PTPRN2: variants seen among roughly 807,000 people sequenced by gnomAD.
The protein encoded by PTPRN2 is protein tyrosine phosphatase receptor type N2.
In PTPRN2, 74 loss-of-function variants were observed where a neutral mutation model predicts 118.8. That is an observed-to-expected ratio of 0.62 (90% CI 0.52 to 0.76). The LOEUF is 0.76. Among genes scored for constraint, PTPRN2 ranks in the 30% least tolerant of loss-of-function variants. The probability of loss-of-function intolerance (pLI) is 0.00; values close to 1 mark genes in which losing one functional copy is unlikely to be tolerated. For synonymous variants in PTPRN2, 641 were observed against 608.0 expected (o/e 1.05, Z -0.80); for missense variants, 1,481 against 1,394.4 (o/e 1.06, Z -0.99).
In PTPRN2 at chr7:158,463,542, ATTG is replaced by A. The variant is rs769780067; in HGVS notation, c.163+26190_163+26192del. Among the ~76,000 whole-genome samples the A allele has an allele frequency of 4.5e-4, 69 of 152,002 alleles. 1 individual carries two copies. The highest frequency in any genetic ancestry group is 1.5e-3 in the African/African-American group (63 of 41,432). ...TCATTGTCATCACCATATCATCATCATTGTTATCACCATCCTCATTGTCATCAT... is the reference window on the plus strand; with the variant it reads ...TCATTGTCATCACCATATCATCATCATTATCACCATCCTCATTGTCATCAT... On this transcript the variant is annotated intron_variant, in intron 2 of 22. Coordinates refer to ENST00000389418, the MANE Select transcript of PTPRN2 (RefSeq NM_002847.5).
At chr7:157,915,680 A>T (rs1421752362) in intron 11 of PTPRN2, among the ~76,000 whole-genome samples, 1 of 152,074 alleles carries the variant, frequency 6.6e-6, no homozygotes, top group African/African-American at 2.4e-5. Flanking sequence ...ATGAATGCTG[A>T]AGTTCAGGTT....
chr7:158,372,197 C>T (rs1354771010), intron 2 of PTPRN2, among the ~76,000 whole-genome samples: 3 of 148,184 alleles, frequency 2.0e-5, no homozygotes, highest in Non-Finnish European at 4.5e-5. Flanking sequence ...GGACCCCCAA[C>T]GCTGGTCCCC....
At chr7:158,037,975 G>T (rs760497200) in intron 11 of PTPRN2, among the ~76,000 whole-genome samples, 1 of 152,182 alleles carries the variant, frequency 6.6e-6, no homozygotes, top group African/African-American at 2.4e-5. Flanking sequence ...GTCTGAATCC[G>T]CTAACCTCCC....
chr7:158,217,858 G>T (rs1294378141), intron 3 of PTPRN2, among the ~76,000 whole-genome samples: 1 of 152,162 alleles, frequency 6.6e-6, no homozygotes, highest in South Asian at 2.1e-4. Context: ...CTTAAAGGCA[G>T]TTCTTTCAAA....
chr7:157,923,819 A>G lies in PTPRN2; in HGVS notation c.1724-25082T>C, dbSNP rs113760713. Among the ~76,000 whole-genome samples, 548 of 152,278 alleles carry G rather than the reference A, an allele frequency of 3.6e-3. 1 individual carries two copies. Among genetic ancestry groups the G allele is most frequent in the African/African-American group, 0.012 (516 of 41,576 alleles). ...GTTAGTGTAGGATGTTAGCGGTCAC[A>G]CCCGAGATGGTTCTTTTGCTAAACT... On this transcript the variant is annotated intron_variant, in intron 11 of 22. Coordinates refer to ENST00000389418, the MANE Select transcript of PTPRN2 (RefSeq NM_002847.5).
chr7:157,917,856 G>A (rs777904987), intron 11 of PTPRN2, among the ~76,000 whole-genome samples: 1 of 152,134 alleles, frequency 6.6e-6, no homozygotes, highest in Non-Finnish European at 1.5e-5. Flanking sequence ...ATCAGAGTCA[G>A]CAGGCCGAGC....
chr7:157,781,855 A>G (rs555908659), intron 12 of PTPRN2, among the ~76,000 whole-genome samples: 6 of 152,200 alleles, frequency 3.9e-5, no homozygotes, highest in Non-Finnish European at 8.8e-5. Context: ...GGCAAACCAC[A>G]CCCCACTGAC....
At chr7:158,137,647 G>T (rs979048178) in intron 7 of PTPRN2, among the ~76,000 whole-genome samples, 4 of 152,098 alleles carry the variant, frequency 2.6e-5, no homozygotes, top group African/African-American at 9.7e-5. Context: ...CTGCCTGTCA[G>T]CCAAGTCAGG....
chr7:158,358,926 G>T (rs1178999329), intron 2 of PTPRN2, among the ~76,000 whole-genome samples: 1 of 152,196 alleles, frequency 6.6e-6, no homozygotes, highest in South Asian at 2.1e-4. Flanking sequence ...TGGTTAAAAT[G>T]GTCATTCTTA....
At chr7:158,280,993 G>C (rs929295632) in intron 3 of PTPRN2, among the ~76,000 whole-genome samples, 13 of 152,170 alleles carry the variant, frequency 8.5e-5, no homozygotes, top group African/African-American at 1.2e-4. Context: ...CCATGTGCTC[G>C]TCATCACAGC....
In PTPRN2 at chr7:157,621,137, A is replaced by T. The variant is rs372293712; in HGVS notation, c.2344+225T>A. 2.1e-3 allele frequency among the ~76,000 whole-genome samples: 83 copies of T among 39,346 alleles called. 2 individuals carry two copies. The highest frequency in any genetic ancestry group is 6.3e-3 in the South Asian group (9 of 1,434). 25.8% of individuals were successfully genotyped at this position (39,346 alleles called of 152,430 possible). On this transcript the variant is annotated intron_variant, in intron 15 of 22. Transcript: ENST00000389418. The stretch of plus-strand genomic sequence containing the variant: ...GGCCAGTTTCCCCCTCCTGTAACCC[A>T]GTCCTCCCGCCCCCGGTGCTGGTAT...
intron 13 of PTPRN2, among the ~76,000 whole-genome samples, chr7:157,672,322 C>A (rs17731604): frequency 0.39 from 58,817 of 151,968 alleles, 12,324 homozygotes; most frequent in Non-Finnish European, 0.48. Flanking sequence ...ACGTTTGGGG[C>A]TCACTTAACA....
At chr7:158,585,944 G>C (rs965027011) in intron 1 of PTPRN2, among the ~76,000 whole-genome samples, 1 of 152,240 alleles carries the variant, frequency 6.6e-6, no homozygotes, top group Non-Finnish European at 1.5e-5. Context: ...CTGGTGCACA[G>C]CTGGGCCTTC....
chr7:158,336,508 C>A (rs1387138788), intron 2 of PTPRN2, among the ~76,000 whole-genome samples: 24 of 132,194 alleles, frequency 1.8e-4, no homozygotes, highest in African/African-American at 6.0e-4. Flanking sequence ...GTCACTCACA[C>A]CCACACTCTC....
intron 11 of PTPRN2, among the ~76,000 whole-genome samples, chr7:158,068,501 A>G (rs761224254): frequency 2.6e-5 from 4 of 152,364 alleles, no homozygotes; most frequent in Admixed American, 2.0e-4. Flanking sequence ...CCGCGTCCTC[A>G]GGGAAGCATG....
intron 9 of PTPRN2, among the ~76,000 whole-genome samples, chr7:158,130,180 G>A (rs1050729332): frequency 6.6e-6 from 1 of 152,200 alleles, no homozygotes; most frequent in Non-Finnish European, 1.5e-5. Flanking sequence ...CTGCAGCACA[G>A]CGACAGCACC....
intron 9 of PTPRN2, 135 bp downstream of exon 9, chr7:158,133,542 T>A: frequency 7.9e-7 from 1 of 1,268,080 alleles, no homozygotes; most frequent in Admixed American, 2.7e-5. Context: ...ACTCCAGGGA[T>A]GCCTGCACCC....
intron 3 of PTPRN2, among the ~76,000 whole-genome samples, chr7:158,245,262 A>G (rs12698179): frequency 2.8e-5 from 2 of 71,262 alleles, no homozygotes; most frequent in African/African-American, 5.7e-5. Context: ...GCTGGAATCC[A>G]CGGTCATGCC....
At chr7:157,806,636 GTA>G (rs892437671) in intron 12 of PTPRN2, among the ~76,000 whole-genome samples, 2 of 152,144 alleles carry the variant, frequency 1.3e-5, no homozygotes, top group Admixed American at 6.5e-5. Context: ...GCATACGCAT[GTA>G]TGTGTGTGTG....
Sources: allele counts gnomAD v4.1 joint callset (sites outside exome capture counted in the v4.1 genomes callset), GRCh38; gene constraint gnomAD v4.1.1; transcripts MANE v1.5; gene names NCBI Gene and HGNC (gene_info 2026-07-23, HGNC 2026-07-21).